Variants in DOCK1 observed in about 807,000 individuals in gnomAD.
DOCK1 encodes dedicator of cytokinesis protein 1.
Under a neutral mutation model 262.7 loss-of-function variants are expected in DOCK1, and 138 were observed. The ratio of observed to expected loss-of-function variants is 0.53; its 90% CI spans 0.46 to 0.61. The LOEUF is 0.61. Among genes scored for constraint, DOCK1 ranks in the 20% least tolerant of loss-of-function variants. The pLI is 0.00. For synonymous variants in DOCK1, 866 were observed against 867.4 expected (o/e 1.00, Z 0.03); for missense variants, 1,908 against 2,370.7 (o/e 0.80, Z 4.05).
At chr10:126,981,450 T>C (rs2038969621) in intron 3 of DOCK1, among the ~76,000 whole-genome samples, 1 of 152,222 alleles carries the variant, frequency 6.6e-6, no homozygotes, top group African/African-American at 2.4e-5. Context: ...TTCTGTATTT[T>C]ACCAGAGGGC....
At chr10:127,085,192 C>T (rs1591962166) in intron 23 of DOCK1, among the ~76,000 whole-genome samples, 2 of 152,300 alleles carry the variant, frequency 1.3e-5, no homozygotes, top group Admixed American at 6.5e-5. Context: ...CAACAGTAAG[C>T]AGGCTTTTAT....
In DOCK1 at chr10:127,439,232, C is replaced by A; in HGVS notation, c.5259+7C>A. On this transcript the variant is annotated splice_region_variant and intron_variant, in intron 49 of 51. Transcript: ENST00000623213. ...TGTGATCCTTTCGGAAACGGTAACC[C>A]GACAGGGTATCTTTCCTCGCTCTGC... 6.2e-7 allele frequency: 1 copy of A among 1,604,894 alleles called. No individual in the cohort carries two copies. The highest frequency in any genetic ancestry group is 1.1e-5 in the South Asian group (1 of 88,590).
chr10:127,024,816 G>T (rs780677936), intron 15 of DOCK1, 33 bp downstream of exon 15: 5 of 1,528,486 alleles, frequency 3.3e-6, no homozygotes, highest in Non-Finnish European at 4.5e-6. Flanking sequence ...ATCACATGGC[G>T]CTGATTATGA....
At chr10:127,121,688 T>C (rs2049591233) in intron 25 of DOCK1, among the ~76,000 whole-genome samples, 1 of 152,212 alleles carries the variant, frequency 6.6e-6, no homozygotes, top group Non-Finnish European at 1.5e-5. Context: ...ATGTTTTTGC[T>C]TTTGGGGAAG....
At chr10:127,252,404 G>C (rs2059683696) in intron 28 of DOCK1, among the ~76,000 whole-genome samples, 2 of 148,154 alleles carry the variant, frequency 1.3e-5, no homozygotes, top group Admixed American at 6.8e-5. Context: ...GATCCCATTT[G>C]TCAATTTTGG....
At chr10:127,429,041 C>T (rs544427954) in intron 47 of DOCK1, among the ~76,000 whole-genome samples, 1 of 137,664 alleles carries the variant, frequency 7.3e-6, no homozygotes, top group Non-Finnish European at 1.6e-5. Context: ...ATTGGGGTGT[C>T]ATGTGGATTG....
chr10:127,133,741 G>T (rs138224856), intron 27 of DOCK1, among the ~76,000 whole-genome samples: 1 of 152,146 alleles, frequency 6.6e-6, no homozygotes, highest in African/African-American at 2.4e-5. Context: ...TAATTTTTGC[G>T]CAACTTAAAA....
At chr10:127,244,124 A>G (rs1048899921) in intron 27 of DOCK1, among the ~76,000 whole-genome samples, 7 of 151,694 alleles carry the variant, frequency 4.6e-5, no homozygotes, top group African/African-American at 1.7e-4. Context: ...AAAATATAGG[A>G]CCCCCAGTTC....
intron 16 of DOCK1, among the ~76,000 whole-genome samples, chr10:127,029,277 C>T (rs1439472090): frequency 6.6e-6 from 1 of 152,208 alleles, no homozygotes; most frequent in Non-Finnish European, 1.5e-5. Flanking sequence ...CCTCCCCAGC[C>T]AGCCCTGCAT....
intron 28 of DOCK1, among the ~76,000 whole-genome samples, chr10:127,253,128 A>G (rs2059710143): frequency 6.6e-6 from 1 of 152,194 alleles, no homozygotes; most frequent in African/African-American, 2.4e-5. Flanking sequence ...AAGAATCTGT[A>G]GAATCTTCTA....
rs61753108 is a variant in DOCK1, at chr10:127,000,231, C to G, written c.909C>G (p.Arg303=). The G allele has an allele frequency of 6.2e-7, 1 of 1,613,926 alleles. No individual in the cohort carries two copies. The highest frequency in any genetic ancestry group is 1.7e-5 in the Admixed American group (1 of 60,018). The part of the protein sequence containing the change: ...EKISFVCQIV[R]VGRMELRDNN... ...TCAGTTTTGTCTGTCAGATTGTTCG[C>G]GTGGGTCGCATGGAGCTGAGGGACA... The change falls in exon 10 of 52, where the codon CGC becomes CGG. Residue 303 remains arginine, a synonymous_variant. Transcript: ENST00000623213.
chr10:127,331,222 C>T (rs190719534), intron 29 of DOCK1, among the ~76,000 whole-genome samples: 29 of 152,272 alleles, frequency 1.9e-4, no homozygotes, highest in Admixed American at 8.5e-4. Context: ...GCGGGTCCAA[C>T]CTCCCATCTC....
At chr10:127,274,175 G>A (rs7916371) in intron 29 of DOCK1, among the ~76,000 whole-genome samples, 64,597 of 151,880 alleles carry the variant, frequency 0.43, 13,834 homozygotes, top group Admixed American at 0.47. Flanking sequence ...TAGAGAAAGG[G>A]CATGTCCTGG....
chr10:127,179,318 T>C (rs2055486998), intron 27 of DOCK1, among the ~76,000 whole-genome samples: 1 of 152,200 alleles, frequency 6.6e-6, no homozygotes, highest in Non-Finnish European at 1.5e-5. Context: ...AATTCTAAGC[T>C]CTTCTCTGTT....
chr10:127,124,686 G>A (rs2049833220), intron 25 of DOCK1, among the ~76,000 whole-genome samples: 1 of 152,050 alleles, frequency 6.6e-6, no homozygotes, highest in African/African-American at 2.4e-5. Context: ...TTCATTTCCT[G>A]TTCCTCCTCA....
At chr10:126,911,035 A>G (rs1376365637) in intron 1 of DOCK1, among the ~76,000 whole-genome samples, 1 of 152,154 alleles carries the variant, frequency 6.6e-6, no homozygotes, top group African/African-American at 2.4e-5. Flanking sequence ...GTGTGAACCT[A>G]AGTCTTCATT....
At chr10:127,229,096 G>A (rs377381655) in intron 27 of DOCK1, among the ~76,000 whole-genome samples, 10 of 152,042 alleles carry the variant, frequency 6.6e-5, no homozygotes, top group African/African-American at 1.2e-4. Flanking sequence ...TTAGCCGGGC[G>A]TGGTGGTGCG....
chr10:127,425,783 C>T (rs536270203), intron 46 of DOCK1, 91 bp from the exon 47 acceptor site: 14 of 1,545,418 alleles, frequency 9.1e-6, no homozygotes, highest in South Asian at 3.6e-5. Flanking sequence ...CAAAGCAGAT[C>T]GTTTTGCCAG....
At chr10:127,360,285 G>C (rs1466060534) in intron 32 of DOCK1, among the ~76,000 whole-genome samples, 1 of 152,132 alleles carries the variant, frequency 6.6e-6, no homozygotes, top group Non-Finnish European at 1.5e-5. Context: ...TGATCCTCAG[G>C]AGTACCGCAG....
Sources: gnomAD v4.1 joint callset for allele counts (sites outside exome capture counted in the v4.1 genomes callset) on GRCh38, gnomAD v4.1.1 for gene constraint, MANE v1.5 for transcripts, NCBI Gene and HGNC (gene_info 2026-07-23, HGNC 2026-07-21) for gene names.